The following SKIC2 variants were observed in gnomAD, a reference collection of about 807,000 sequenced individuals.
SKIC2 encodes the protein SKI2 subunit of superkiller complex.
At chr6:31,968,490 G>A in the SKIC2 span, 12 of 1,613,028 alleles carry the variant, frequency 7.4e-6, no homozygotes, top group Non-Finnish European at 9.3e-6. The surrounding 1 kb of genome is among the most constrained non-coding windows in gnomAD (Gnocchi z 6.1). Flanking sequence ...AGCTGGAGGA[G>A]CTGATCCAGG....
chr6:31,965,940 A>T, the SKIC2 span: 2 of 1,612,810 alleles, frequency 1.2e-6, no homozygotes, highest in Non-Finnish European at 1.7e-6. The surrounding 1 kb of genome is among the most constrained non-coding windows in gnomAD (Gnocchi z 5.6). Context: ...AGGGGCCTGG[A>T]CCCCACAGGC....
the SKIC2 span, chr6:31,962,388 G>A: frequency 1.9e-6 from 3 of 1,603,424 alleles, no homozygotes; most frequent in South Asian, 2.2e-5. The surrounding 1 kb of genome is among the most constrained non-coding windows in gnomAD (Gnocchi z 5.0). Flanking sequence ...GAGAGGAAGT[G>A]CGGGCCATGA....
chr6:31,963,189 G>T, the SKIC2 span: 2 of 919,910 alleles, frequency 2.2e-6, no homozygotes, highest in Non-Finnish European at 1.7e-6. This position sits in a 1 kb window ranked among gnomAD's most constrained non-coding sequence, Gnocchi z 5.3. Context: ...GAGCGGTCAG[G>T]CCTTAGGGGT....
At chr6:31,961,219 C>G in the SKIC2 span, 4 of 1,614,116 alleles carry the variant, frequency 2.5e-6, no homozygotes, top group Non-Finnish European at 2.5e-6. Context: ...AGCTCCTGGA[C>G]TACTAAGCCT....
the SKIC2 span, chr6:31,968,753 ATCAG>A: frequency 6.2e-7 from 1 of 1,612,808 alleles, no homozygotes; most frequent in Non-Finnish European, 8.5e-7. This position sits in a 1 kb window ranked among gnomAD's most constrained non-coding sequence, Gnocchi z 6.1. Context: ...CTACTGTCGG[ATCAG>A]TCATTGCTGC....
the SKIC2 span, chr6:31,962,444 T>C: frequency 1.9e-6 from 3 of 1,614,068 alleles, no homozygotes; most frequent in Non-Finnish European, 2.5e-6. The surrounding 1 kb of genome is among the most constrained non-coding windows in gnomAD (Gnocchi z 5.0). Flanking sequence ...CCCAGCACCA[T>C]CTACACTTCG....
the SKIC2 span, chr6:31,966,764 A>C: frequency 6.2e-7 from 1 of 1,614,134 alleles, no homozygotes; most frequent in Non-Finnish European, 8.5e-7. This position sits in a 1 kb window ranked among gnomAD's most constrained non-coding sequence, Gnocchi z 5.9. Flanking sequence ...ATGATCCTCA[A>C]CTTGCTGCGA....
chr6:31,961,810 G>A, the SKIC2 span: 3 of 1,558,904 alleles, frequency 1.9e-6, no homozygotes, highest in South Asian at 3.4e-5. Flanking sequence ...AGCCTCGGCT[G>A]GCTCCGGCCT....
chr6:31,965,875 C>T, the SKIC2 span: 15 of 1,612,910 alleles, frequency 9.3e-6, no homozygotes, highest in Admixed American at 3.3e-5. The surrounding 1 kb of genome is among the most constrained non-coding windows in gnomAD (Gnocchi z 5.6). Context: ...ATGGCTCCAC[C>T]TTCCGGGACC....
chr6:31,968,432 T>G, the SKIC2 span: 1 of 1,612,922 alleles, frequency 6.2e-7, no homozygotes, highest in Non-Finnish European at 8.5e-7. This position sits in a 1 kb window ranked among gnomAD's most constrained non-coding sequence, Gnocchi z 6.1. Context: ...GTCAATGACC[T>G]GCAGCTCAAA....
chr6:31,965,721 C>A, the SKIC2 span: 1 of 1,016,074 alleles, frequency 9.8e-7, no homozygotes, highest in Non-Finnish European at 1.5e-6. The surrounding 1 kb of genome is among the most constrained non-coding windows in gnomAD (Gnocchi z 5.6). Context: ...TGGGCTTGGC[C>A]AGGGCTGGGG....
At chr6:31,960,890 A>G in the SKIC2 span, 2 of 862,134 alleles carry the variant, frequency 2.3e-6, no homozygotes, top group African/African-American at 1.7e-5. Context: ...AATTTCTACA[A>G]CAACCTTTAC....
the SKIC2 span, chr6:31,965,927 C>T: frequency 7.4e-6 from 12 of 1,613,014 alleles, no homozygotes; most frequent in Non-Finnish European, 1.0e-5. The surrounding 1 kb of genome is among the most constrained non-coding windows in gnomAD (Gnocchi z 5.6). Flanking sequence ...CCGGGCAGGG[C>T]GGAGGGGCCT....
At chr6:31,961,202 C>T in the SKIC2 span, 1 of 1,614,020 alleles carries the variant, frequency 6.2e-7, no homozygotes, top group South Asian at 1.1e-5. Flanking sequence ...TCAGATTGTC[C>T]AACTCCAGCT....
the SKIC2 span, chr6:31,960,946 C>T: frequency 1.1e-5 from 11 of 998,946 alleles, no homozygotes; most frequent in African/African-American, 1.6e-4. Flanking sequence ...CTATCTACAG[C>T]ATCTGTCCTG....
chr6:31,962,261 G>C, the SKIC2 span, among the ~76,000 whole-genome samples: 4 of 152,158 alleles, frequency 2.6e-5, no homozygotes, highest in African/African-American at 9.7e-5. This position sits in a 1 kb window ranked among gnomAD's most constrained non-coding sequence, Gnocchi z 5.0. Context: ...GTTTAGGAAG[G>C]GGTTGGGGAC....
At chr6:31,966,102 C>CTTT in the SKIC2 span, 1 of 746,342 alleles carries the variant, frequency 1.3e-6, no homozygotes, top group South Asian at 2.4e-5. This position sits in a 1 kb window ranked among gnomAD's most constrained non-coding sequence, Gnocchi z 5.9. Flanking sequence ...TTTCTTCTTC[C>CTTT]TTTTTTTTTT....
chr6:31,962,056 T>C, the SKIC2 span: 1 of 1,612,310 alleles, frequency 6.2e-7, no homozygotes, highest in Middle Eastern at 1.6e-4. This position sits in a 1 kb window ranked among gnomAD's most constrained non-coding sequence, Gnocchi z 5.0. Context: ...CATGACACGG[T>C]ATGAGTTCCT....
At chr6:31,961,552 G>A in the SKIC2 span, 48 of 1,604,986 alleles carry the variant, frequency 3.0e-5, no homozygotes, top group South Asian at 3.6e-4. Context: ...TCCAGGAAGC[G>A]TCCACAGCTG....
Sources: allele counts gnomAD v4.1 joint callset (sites outside exome capture counted in the v4.1 genomes callset), GRCh38; gene constraint gnomAD v4.1.1; non-coding constraint Gnocchi (gnomAD v3.1); transcripts MANE v1.5; gene names NCBI Gene and HGNC (gene_info 2026-07-23, HGNC 2026-07-21).